The following ASTN2 variants were observed in gnomAD, a reference collection of about 807,000 sequenced individuals.
ASTN2 encodes the protein astrotactin 2, also known as astrotactin-2.
ASTN2 carries 54 observed loss-of-function variants against 139.8 expected under a neutral mutation model. That is an observed-to-expected ratio of 0.39 (90% CI 0.31 to 0.48). The LOEUF is 0.48. ASTN2 is among the 20% of genes least tolerant of loss of function. The pLI is 0.95. For synonymous variants in ASTN2, 756 were observed against 719.5 expected (o/e 1.05, Z -0.81); for missense variants, 1,565 against 1,725.1 (o/e 0.91, Z 1.64).
At chr9:117,330,339 T>C (rs1244038038) in intron 1 of ASTN2, among the ~76,000 whole-genome samples, 1 of 152,208 alleles carries the variant, frequency 6.6e-6, no homozygotes, top group African/African-American at 2.4e-5. Flanking sequence ...TAGCCAGATG[T>C]TGGGGATGAG....
chr9:116,832,467 A>G (rs1831842216), intron 11 of ASTN2, among the ~76,000 whole-genome samples: 1 of 152,084 alleles, frequency 6.6e-6, no homozygotes, highest in African/African-American at 2.4e-5. Context: ...TCAGTCTTTC[A>G]CCATAAATAT....
intron 7 of ASTN2, among the ~76,000 whole-genome samples, chr9:116,999,526 C>CTCTTTCTT (rs993424347): frequency 7.1e-6 from 1 of 141,094 alleles, no homozygotes; most frequent in Non-Finnish European, 1.6e-5. Flanking sequence ...TCTTTCTTTC[C>CTCTTTCTT]TCTTTCTTTC....
intron 10 of ASTN2, among the ~76,000 whole-genome samples, chr9:116,965,896 G>A (rs995626423): frequency 2.0e-5 from 3 of 152,170 alleles, no homozygotes; most frequent in African/African-American, 7.2e-5. Context: ...GCCTTAGAAT[G>A]TCAGCTTCCT....
intron 10 of ASTN2, among the ~76,000 whole-genome samples, chr9:116,934,214 C>G (rs1410752646): frequency 1.3e-5 from 2 of 151,946 alleles, no homozygotes; most frequent in African/African-American, 4.8e-5. Flanking sequence ...GCCTCGATGC[C>G]TTGGATCAAA....
chr9:116,840,744 G>T (rs1406653851), intron 11 of ASTN2, among the ~76,000 whole-genome samples: 1 of 145,342 alleles, frequency 6.9e-6, no homozygotes, highest in African/African-American at 2.5e-5. Flanking sequence ...CGGACGGGGC[G>T]GCAGGGCAGA....
chr9:117,063,528 G>A (rs1839356531), intron 5 of ASTN2, among the ~76,000 whole-genome samples: 1 of 152,156 alleles, frequency 6.6e-6, no homozygotes, highest in Non-Finnish European at 1.5e-5. Context: ...CACCATGACT[G>A]TGAGGCCTCC....
At chr9:116,899,888 T>C (rs1833964973) in intron 10 of ASTN2, among the ~76,000 whole-genome samples, 1 of 152,104 alleles carries the variant, frequency 6.6e-6, no homozygotes, top group Non-Finnish European at 1.5e-5. Context: ...TGCATTCCGA[T>C]ATCCAAGCAG....
intron 16 of ASTN2, among the ~76,000 whole-genome samples, chr9:116,688,175 G>A (rs1860369654): frequency 6.6e-6 from 1 of 152,058 alleles, no homozygotes; most frequent in Admixed American, 6.5e-5. Context: ...AACGATCTGA[G>A]TCCGAGGGAT....
At chr9:116,462,665 TGATAATATAGGAACGATGG>T (rs1848523723) in intron 20 of ASTN2, among the ~76,000 whole-genome samples, 1 of 152,076 alleles carries the variant, frequency 6.6e-6, no homozygotes, top group South Asian at 2.1e-4. Context: ...GTAGGTTTGG[TGATAATATAGGAACGATGG>T]GATAATATTC....
chr9:116,480,510 C>G (rs916666438), intron 20 of ASTN2, among the ~76,000 whole-genome samples: 3 of 152,110 alleles, frequency 2.0e-5, no homozygotes, highest in Non-Finnish European at 4.4e-5. Context: ...AGAGGATGAA[C>G]AAGGCAGGCA....
chr9:116,934,636 G>T (rs1197421016), intron 10 of ASTN2, among the ~76,000 whole-genome samples: 7 of 152,118 alleles, frequency 4.6e-5, no homozygotes, highest in Non-Finnish European at 1.0e-4. Flanking sequence ...TGGGAGGGGG[G>T]AAGAGGATCA....
At chr9:116,565,975 C>A (rs1272380416) in intron 19 of ASTN2, among the ~76,000 whole-genome samples, 2 of 152,154 alleles carry the variant, frequency 1.3e-5, no homozygotes, top group Non-Finnish European at 2.9e-5. Context: ...TCTTCCACAT[C>A]CAGCAGCCTT....
At chr9:116,628,468 C>T (rs570697710) in intron 17 of ASTN2, among the ~76,000 whole-genome samples, 30 of 152,216 alleles carry the variant, frequency 2.0e-4, no homozygotes, top group African/African-American at 5.5e-4. Flanking sequence ...ATAATTTCCC[C>T]ATCCCCTTTA....
chr9:116,713,888 T>C (rs1828239884), intron 16 of ASTN2, among the ~76,000 whole-genome samples: 1 of 152,170 alleles, frequency 6.6e-6, no homozygotes, highest in African/African-American at 2.4e-5. Context: ...GCATAAGGAC[T>C]TGGAAGTCAG....
chr9:116,886,663 G>A (rs1318703202), intron 10 of ASTN2, among the ~76,000 whole-genome samples: 2 of 152,056 alleles, frequency 1.3e-5, no homozygotes, highest in African/African-American at 2.4e-5. Flanking sequence ...TACTATGCCC[G>A]ACTTGCTTTT....
chr9:117,238,968 T>C (rs139727634), intron 2 of ASTN2, among the ~76,000 whole-genome samples: 1 of 152,326 alleles, frequency 6.6e-6, no homozygotes, highest in African/African-American at 2.4e-5. Context: ...CTATAAGATA[T>C]TCCACCACAC....
intron 10 of ASTN2, among the ~76,000 whole-genome samples, chr9:116,957,460 A>C (rs1835744909): frequency 6.6e-6 from 1 of 152,162 alleles, no homozygotes. Context: ...ACATTTCTTC[A>C]AGTGTTCCAC....
chr9:116,718,450 A>T (rs1828375311), intron 16 of ASTN2, among the ~76,000 whole-genome samples: 1 of 152,192 alleles, frequency 6.6e-6, no homozygotes, highest in Admixed American at 6.5e-5. Context: ...GAATAACATG[A>T]TGGGATCTCT....
intron 4 of ASTN2, among the ~76,000 whole-genome samples, chr9:117,102,325 A>T (rs1828998319): frequency 6.6e-6 from 1 of 152,180 alleles, no homozygotes; most frequent in Admixed American, 6.5e-5. Flanking sequence ...AATATCCAGG[A>T]TAGCTAAATC....
Sources: gnomAD v4.1 joint callset for allele counts (sites outside exome capture counted in the v4.1 genomes callset) on GRCh38, gnomAD v4.1.1 for gene constraint, MANE v1.5 for transcripts, NCBI Gene and HGNC (gene_info 2026-07-23, HGNC 2026-07-21) for gene names.